Variants in EPHA6 observed in about 807,000 individuals in gnomAD.
The protein encoded by EPHA6 is ephrin type-A receptor 6.
A neutral mutation model predicts 112.0 loss-of-function variants in EPHA6; 50 were observed. The ratio of observed to expected loss-of-function variants is 0.45; its 90% CI spans 0.36 to 0.56. The LOEUF is 0.56. Among genes scored for constraint, EPHA6 ranks in the 20% least tolerant of loss-of-function variants. EPHA6 has a pLI of 0.00. For synonymous variants in EPHA6, 529 were observed against 490.7 expected (o/e 1.08, Z -1.03); for missense variants, 1,280 against 1,417.4 (o/e 0.90, Z 1.56).
chr3:97,150,892 C>A (rs190565276), intron 3 of EPHA6, among the ~76,000 whole-genome samples: 1 of 152,118 alleles, frequency 6.6e-6, no homozygotes, highest in East Asian at 1.9e-4. Flanking sequence ...CTCATGACTA[C>A]CAATTTTTTA....
At chr3:97,180,477 C>T (rs1229484018) in intron 3 of EPHA6, among the ~76,000 whole-genome samples, 1 of 152,274 alleles carries the variant, frequency 6.6e-6, no homozygotes, top group African/African-American at 2.4e-5. Context: ...GCCACCACCA[C>T]TTGTTATGTG....
chr3:97,641,912 G>A (rs994199298), intron 14 of EPHA6, among the ~76,000 whole-genome samples: 2 of 151,312 alleles, frequency 1.3e-5, no homozygotes, highest in Non-Finnish European at 3.0e-5. Context: ...AAGCAGCCAG[G>A]AAGCTCGAAC....
At chr3:97,465,765 T>C (rs1047687869) in intron 7 of EPHA6, among the ~76,000 whole-genome samples, 2 of 152,064 alleles carry the variant, frequency 1.3e-5, no homozygotes, top group Non-Finnish European at 2.9e-5. Flanking sequence ...ATAGTTCTAC[T>C]GATGCCAAAT....
At chr3:97,088,590 T>C (rs1032113138) in intron 3 of EPHA6, among the ~76,000 whole-genome samples, 1 of 152,168 alleles carries the variant, frequency 6.6e-6, no homozygotes, top group African/African-American at 2.4e-5. Context: ...ACAGATTTCC[T>C]GAGACATACT....
At chr3:97,054,425 G>T (rs962502473) in intron 3 of EPHA6, among the ~76,000 whole-genome samples, 1 of 152,056 alleles carries the variant, frequency 6.6e-6, no homozygotes, top group African/African-American at 2.4e-5. Context: ...AGAAAAGAAG[G>T]TGGAGTTGTC....
chr3:97,283,653 G>A (rs553559667), intron 5 of EPHA6, among the ~76,000 whole-genome samples: 12 of 152,170 alleles, frequency 7.9e-5, no homozygotes, highest in African/African-American at 2.4e-4. Flanking sequence ...AATATGTAAT[G>A]CATTAGGGGC....
intron 8 of EPHA6, among the ~76,000 whole-genome samples, chr3:97,477,305 C>A (rs905305281): frequency 2.0e-5 from 3 of 151,942 alleles, no homozygotes; most frequent in Admixed American, 6.6e-5. Flanking sequence ...ATAAACAAAA[C>A]CCCTAAACAT....
intron 1 of EPHA6, among the ~76,000 whole-genome samples, chr3:96,856,097 G>A (rs72931400): frequency 0.022 from 3,331 of 152,114 alleles, 80 homozygotes; most frequent in African/African-American, 0.051. Context: ...AACATTAGCC[G>A]GGCATGATGG....
chr3:96,893,286 T>C (rs2038081679), intron 2 of EPHA6, among the ~76,000 whole-genome samples: 1 of 152,188 alleles, frequency 6.6e-6, no homozygotes, highest in African/African-American at 2.4e-5. Flanking sequence ...TTCATCATTA[T>C]TTCTACTTAT....
Position 97,133,221 on chromosome 3 carries a change from T to G in EPHA6, c.1115-93043T>G, listed in dbSNP as rs190676282. Reference sequence around the variant, plus strand: ...ATAGGCAGACAAAGTAGGAAAGTGATGTATGTTTGGCCTGAAATACTGGGT... The same window carrying G: ...ATAGGCAGACAAAGTAGGAAAGTGAGGTATGTTTGGCCTGAAATACTGGGT... On this transcript the variant is annotated intron_variant, in intron 3 of 17. Transcript: ENST00000389672. Among the ~76,000 whole-genome samples the G allele has an allele frequency of 3.1e-3, 466 of 152,098 alleles. 3 individuals carry two copies. The highest frequency in any genetic ancestry group is 0.01 in the African/African-American group (424 of 41,526).
At chr3:97,466,791 T>A (rs1247245467) in intron 7 of EPHA6, among the ~76,000 whole-genome samples, 3 of 151,922 alleles carry the variant, frequency 2.0e-5, no homozygotes, top group African/African-American at 7.2e-5. Context: ...TCCAACTTCC[T>A]CTTGTGCATA....
At chr3:97,580,387 T>C (rs1477702799) in intron 11 of EPHA6, among the ~76,000 whole-genome samples, 2 of 152,200 alleles carry the variant, frequency 1.3e-5, no homozygotes, top group Admixed American at 6.5e-5. Context: ...AATCTAATGA[T>C]ACAGGGGTCT....
rs181541175 is a variant in EPHA6, at chr3:97,350,649, T to G, written c.1607-54501T>G. ...TGCTTCTTTTTTATATATAACAGCC[T>G]AATCAAGTGGGACAGTGTCATCCTG... On this transcript the variant is annotated intron_variant, in intron 5 of 17. Coordinates refer to ENST00000389672, the MANE Select transcript of EPHA6 (RefSeq NM_001080448.3). Among the ~76,000 whole-genome samples the G allele has an allele frequency of 1.2e-3, 186 of 152,258 alleles. 1 individual carries two copies. The highest frequency in any genetic ancestry group is 4.3e-3 in the African/African-American group (179 of 41,582).
chr3:96,968,701 A>G (rs2042213936), intron 2 of EPHA6, among the ~76,000 whole-genome samples: 1 of 151,838 alleles, frequency 6.6e-6, no homozygotes, highest in Non-Finnish European at 1.5e-5. Context: ...CTATGCTAAC[A>G]GCAATTTTAG....
intron 3 of EPHA6, among the ~76,000 whole-genome samples, chr3:97,005,226 T>C (rs1356147785): frequency 6.6e-6 from 1 of 152,238 alleles, no homozygotes; most frequent in African/African-American, 2.4e-5. Context: ...ATTTTCACAT[T>C]ATTGAATCTT....
intron 3 of EPHA6, among the ~76,000 whole-genome samples, chr3:97,106,296 C>G (rs900425411): frequency 6.6e-6 from 1 of 152,032 alleles, no homozygotes; most frequent in South Asian, 2.1e-4. Context: ...CAGATTAAGG[C>G]AAACTCAGAC....
intron 10 of EPHA6, among the ~76,000 whole-genome samples, chr3:97,521,580 G>C (rs1160357537): frequency 6.6e-6 from 1 of 152,110 alleles, no homozygotes; most frequent in Non-Finnish European, 1.5e-5. Context: ...TGTCTATCAT[G>C]AGAACAGCAT....
intron 12 of EPHA6, 149 bp from the exon 13 acceptor site, chr3:97,610,644 T>G: frequency 1.5e-6 from 1 of 670,598 alleles, no homozygotes; most frequent in Non-Finnish European, 2.6e-6. Context: ...CTATGTATAA[T>G]ATGAATACGT....
intron 5 of EPHA6, among the ~76,000 whole-genome samples, chr3:97,403,557 C>T (rs1351928207): frequency 6.6e-6 from 1 of 152,210 alleles, no homozygotes; most frequent in African/African-American, 2.4e-5. Context: ...CGCCATTCTC[C>T]TGCCTCAGTC....
Sources: gnomAD v4.1 joint callset for allele counts (sites outside exome capture counted in the v4.1 genomes callset) on GRCh38, gnomAD v4.1.1 for gene constraint, MANE v1.5 for transcripts, NCBI Gene and HGNC (gene_info 2026-07-23, HGNC 2026-07-21) for gene names.